Variants in TIMM44 observed in about 807,000 individuals in gnomAD.
The protein encoded by TIMM44 is mitochondrial import inner membrane translocase subunit TIM44.
TIMM44 carries 37 observed loss-of-function variants against 63.8 expected under a neutral mutation model. The observed-to-expected ratio is 0.58, with a 90% confidence interval of 0.45 to 0.76. The LOEUF (loss-of-function observed/expected upper bound fraction) is 0.76. TIMM44 is among the 30% of genes least tolerant of loss of function. The probability of loss-of-function intolerance (pLI) is 0.00; values close to 1 mark genes in which losing one functional copy is unlikely to be tolerated. For synonymous variants in TIMM44, 239 were observed against 245.1 expected, an observed-to-expected ratio of 0.98 and a Z score of 0.23; for missense variants, 573 against 603.8, an observed-to-expected ratio of 0.95 and a Z score of 0.54.
intron 10 of TIMM44, chr19:7,928,923 C>CAAAAAAAAAAAAAAAAAAAA (rs758167153): frequency 4.3e-5 from 3 of 70,094 alleles, no homozygotes; most frequent in East Asian, 4.3e-4. Flanking sequence ...AACAAAAAAC[C>CAAAAAAAAAAAAAAAAAAAA]AAAAAAAAAA....
intron 9 of TIMM44, among the ~76,000 whole-genome samples, chr19:7,931,982 G>A (rs1714966220): frequency 6.6e-6 from 1 of 152,248 alleles, no homozygotes; most frequent in South Asian, 2.1e-4. Context: ...GAGGCCGGCG[G>A]GGCCAAGGAT....
intron 2 of TIMM44, among the ~76,000 whole-genome samples, chr19:7,940,802 C>T (rs1984287382): frequency 6.6e-6 from 1 of 152,064 alleles, no homozygotes; most frequent in Non-Finnish European, 1.5e-5. Flanking sequence ...GCAGAGGTCA[C>T]AGGGAAGTAG....
intron 2 of TIMM44, 92 bp downstream of exon 2, chr19:7,941,010 C>T: frequency 3.9e-6 from 4 of 1,029,514 alleles, no homozygotes; most frequent in Non-Finnish European, 6.1e-6. Context: ...GTACGAGCCA[C>T]CTCTACAGCC....
intron 12 of TIMM44, 119 bp downstream of exon 12, chr19:7,927,538 C>A: frequency 8.5e-7 from 1 of 1,177,858 alleles, no homozygotes; most frequent in Non-Finnish European, 1.3e-6. Flanking sequence ...GGTTTCTCCA[C>A]ATCCCCACCC....
intron 11 of TIMM44, 39 bp from the exon 12 acceptor site, chr19:7,927,806 C>G (rs766347740): frequency 1.9e-6 from 3 of 1,588,238 alleles, no homozygotes; most frequent in Non-Finnish European, 2.6e-6. Context: ...CCTCAGAGGA[C>G]AGCCCGGCTG....
At chr19:7,942,051 G>T (rs754940404) in intron 1 of TIMM44, among the ~76,000 whole-genome samples, 16 of 152,328 alleles carry the variant, frequency 1.1e-4, no homozygotes, top group Non-Finnish European at 2.2e-4. Context: ...CTGATCTCAT[G>T]TAAAAGGCAC....
Position 7,933,812 on chromosome 19 carries a change from C to T in TIMM44, c.683+52G>A. On this transcript the variant is annotated intron_variant, in intron 6 of 12. Transcript: ENST00000270538. The surrounding 1 kb of genome is among the most constrained non-coding windows in gnomAD (Gnocchi z 4.3). ...ATTGGTGGGCTCCCGAAATGGACAG[C>T]AGTGAAAGCTGCCCAAAATGGGGGC... 1 of 1,611,708 alleles carries T rather than the reference C, an allele frequency of 6.2e-7. No homozygotes were observed. The highest frequency in any genetic ancestry group is 8.5e-7 in the Non-Finnish European group (1 of 1,179,462).
rs1236670046 is a variant in TIMM44, at chr19:7,927,017, G to GC, written c.*169dup. On this transcript the variant is annotated 3_prime_UTR_variant, in exon 13 of 13. Coordinates refer to ENST00000270538, the MANE Select transcript of TIMM44 (RefSeq NM_006351.4). ...GAGTGTCTCCAGCTGCCGCGCACCC[G>GC]CAACAGCCCGTTGTCCCCTCCCGGG... is the stretch of plus-strand genomic sequence containing the variant. 2 of 957,192 alleles carry GC rather than the reference G, an allele frequency of 2.1e-6. No homozygotes were observed. Among genetic ancestry groups the GC allele is most frequent in the African/African-American group, 1.6e-5 (1 of 61,848 alleles). 59.3% of individuals were successfully genotyped at this position (957,192 alleles called of 1,614,324 possible).
chr19:7,941,932 G>A (rs908064849), intron 1 of TIMM44, among the ~76,000 whole-genome samples: 2 of 152,166 alleles, frequency 1.3e-5, no homozygotes, highest in African/African-American at 4.8e-5. Flanking sequence ...CACAAACATC[G>A]ATAATGTGTT....
intron 2 of TIMM44, 87 bp downstream of exon 2, chr19:7,941,015 A>G: frequency 2.7e-6 from 3 of 1,091,422 alleles, no homozygotes; most frequent in Non-Finnish European, 4.2e-6. Context: ...AGCCACCTCT[A>G]CAGCCCCACC....
At chr19:7,929,859 C>T (rs1191007120) in intron 10 of TIMM44, among the ~76,000 whole-genome samples, 2 of 151,556 alleles carry the variant, frequency 1.3e-5, no homozygotes, top group African/African-American at 4.8e-5. Flanking sequence ...ATTATTATTT[C>T]TTTTTTTTTA....
At position 7,933,696 on chromosome 19, in the gene TIMM44, G is replaced by T; in HGVS notation, c.684-126C>A. 7.6e-7 allele frequency: 1 copy of T among 1,309,232 alleles called. No individual in the cohort carries two copies. The highest frequency in any genetic ancestry group is 1.1e-6 in the Non-Finnish European group (1 of 912,336). The allele number at this position is 1,309,232 out of a possible 1,614,324, so 81.1% of individuals were successfully genotyped here. On this transcript the variant is annotated intron_variant, in intron 6 of 12. Coordinates refer to ENST00000270538, the MANE Select transcript of TIMM44 (RefSeq NM_006351.4). The surrounding 1 kb of genome is among the most constrained non-coding windows in gnomAD (Gnocchi z 4.3). ...GAGACCTCAAACCTAGGGGCTCTGA[G>T]GACCCCGCCCTCACCTCTCACCCTC... is the stretch of plus-strand genomic sequence containing the variant.
chr19:7,932,883 G>C lies in TIMM44; in HGVS notation c.819C>G (p.Ile273Met). Residue 273 changes from isoleucine to methionine, a missense_variant, in exon 8 of 13, where the codon ATC becomes ATG. Transcript: ENST00000270538. ...TGTCCGTAAGGGCCCGGGATGCCCG[G>C]ATGAACGCGTTGTCGCTTTCGTCAT... is the stretch of plus-strand genomic sequence containing the variant. ...MKYDESDNAFIRASRALTDKV... is the reference protein window; with the variant it reads ...MKYDESDNAFMRASRALTDKV... 1 of 1,614,232 alleles carries C rather than the reference G, an allele frequency of 6.2e-7. No individual in the cohort carries two copies. The highest frequency in any genetic ancestry group is 1.3e-5 in the African/African-American group (1 of 75,068).
rs1175785173 is a variant in TIMM44 at position 7,934,035 on chromosome 19, G to T, written c.544-32C>A. 3.1e-6 allele frequency: 5 copies of T among 1,613,482 alleles called. No individual in the cohort carries two copies. In the South Asian group the frequency reaches 5.5e-5, roughly 18 times the overall value. ...GGGAGGCACAGCGGGGCTGGGGTGG[G>T]TGTCTGGGTTCGGCCGCCCCAGGCT... On this transcript the variant is annotated intron_variant, in intron 5 of 12. Transcript: ENST00000270538. This position sits in a 1 kb window ranked among gnomAD's most constrained non-coding sequence, Gnocchi z 5.3.
In TIMM44 at chr19:7,928,080, G is replaced by A. The variant is rs369918101; in HGVS notation, c.1125C>T (p.Val375=). ...FHSRILDIDN[V]DLAMGKMMEQ... Reference sequence around the variant, plus strand: ...GCCCCCACTGCGAGGTGCTTACGTCGACGTTGTCAATGTCTAGGATGCGAG... The same window carrying A: ...GCCCCCACTGCGAGGTGCTTACGTCAACGTTGTCAATGTCTAGGATGCGAG... Residue 375 remains valine (V), a synonymous_variant, in exon 11 of 13, where the codon GTC becomes GTT. Transcript: ENST00000270538. The A allele has an allele frequency of 5.0e-6, 8 of 1,613,624 alleles. No homozygotes were observed. The highest frequency in any genetic ancestry group is 1.3e-5 in the African/African-American group (1 of 74,938).
rs1223317119 is a variant in TIMM44 at position 7,934,082 on chromosome 19, G to A, written c.543+7C>T. 1 of 1,613,280 alleles carries A rather than the reference G, an allele frequency of 6.2e-7. No individual in the cohort carries two copies. Among genetic ancestry groups the A allele is most frequent in the Admixed American group, 1.7e-5 (1 of 60,024 alleles). On this transcript the variant is annotated splice_region_variant and intron_variant, in intron 5 of 12. Transcript: ENST00000270538. This position sits in a 1 kb window ranked among gnomAD's most constrained non-coding sequence, Gnocchi z 5.3. ...GGCTGCATGCCCTAGCCCAGGACTG[G>A]GCTCACCTGGGAGAGGGCTCTGAAG...
chr19:7,928,203 C>A, intron 10 of TIMM44, 37 bp from the exon 11 acceptor site: 1 of 1,567,690 alleles, frequency 6.4e-7, no homozygotes, highest in African/African-American at 1.3e-5. Flanking sequence ...GTGATGCCAC[C>A]CAGGGTGGGC....
At chr19:7,939,818 C>T (rs1348323043) in intron 2 of TIMM44, among the ~76,000 whole-genome samples, 1 of 151,970 alleles carries the variant, frequency 6.6e-6, no homozygotes, top group Non-Finnish European at 1.5e-5. Flanking sequence ...GAGGCAGAGG[C>T]AGGAGAACTG....
Position 7,933,671 on chromosome 19 carries a change from G to A in TIMM44, c.684-101C>T, listed in dbSNP as rs1471532883. The A allele has an allele frequency of 7.6e-7, 1 of 1,316,086 alleles. No homozygotes were observed. Among genetic ancestry groups the A allele is most frequent in the African/African-American group, 1.5e-5 (1 of 68,718 alleles). The allele number at this position is 1,316,086 out of a possible 1,614,324, so 81.5% of individuals were successfully genotyped here. A position where few individuals can be genotyped will look rare whatever the true frequency, so the allele number is the denominator to read the frequency against. On this transcript the variant is annotated intron_variant, in intron 6 of 12. Coordinates refer to ENST00000270538, the MANE Select transcript of TIMM44 (RefSeq NM_006351.4). This position sits in a 1 kb window ranked among gnomAD's most constrained non-coding sequence, Gnocchi z 4.3. ...GGGCAGTACAGGACAGCAGGCAGCT[G>A]AGACCTCAAACCTAGGGGCTCTGAG... is the stretch of plus-strand genomic sequence containing the variant.
Sources: gnomAD v4.1 joint callset for allele counts (sites outside exome capture counted in the v4.1 genomes callset) on GRCh38, gnomAD v4.1.1 for gene constraint, Gnocchi (gnomAD v3.1) non-coding constraint, MANE v1.5 for transcripts, NCBI Gene and HGNC (gene_info 2026-07-23, HGNC 2026-07-21) for gene names.